Variants in BMP7 observed in about 807,000 individuals in gnomAD.
BMP7 encodes osteogenic protein 1.
BMP7 carries 12 observed loss-of-function variants against 41.2 expected under a neutral mutation model. The observed-to-expected ratio is 0.29, with a 90% CI of 0.19 to 0.47. The LOEUF (loss-of-function observed/expected upper bound fraction) is 0.47. Among genes scored for constraint, BMP7 ranks in the 20% least tolerant of loss-of-function variants. The pLI, the probability that BMP7 is intolerant of heterozygous loss-of-function variation, is 0.99. For synonymous variants in BMP7, 248 were observed against 250.0 expected (o/e 0.99, Z 0.07); for missense variants, 467 against 606.0 (o/e 0.77, Z 2.41).
intron 3 of BMP7, among the ~76,000 whole-genome samples, chr20:57,198,545 G>A (rs1170517405): frequency 1.3e-5 from 2 of 152,206 alleles, no homozygotes; most frequent in South Asian, 2.1e-4. Flanking sequence ...TTCTCCCCGC[G>A]AGGGCACGCT....
chr20:57,217,034 C>G (rs529713388), intron 2 of BMP7, among the ~76,000 whole-genome samples: 34 of 152,272 alleles, frequency 2.2e-4, no homozygotes, highest in African/African-American at 7.5e-4. Context: ...CACCGTGAGC[C>G]CCCGCATGTG....
At chr20:57,257,555 C>T (rs1187018505) in intron 1 of BMP7, among the ~76,000 whole-genome samples, 1 of 152,136 alleles carries the variant, frequency 6.6e-6, no homozygotes, top group Non-Finnish European at 1.5e-5. Context: ...TTATGAAGCA[C>T]AAGCTATCCT....
Position 57,171,596 on chromosome 20 carries a change from T to C in BMP7, c.1147-488A>G, listed in dbSNP as rs144820793. 4.8e-3 allele frequency among the ~76,000 whole-genome samples: 735 copies of C among 152,268 alleles called. 5 individuals are homozygous for C. The highest frequency in any genetic ancestry group is 0.017 in the African/African-American group (707 of 41,562). The stretch of plus-strand genomic sequence containing the variant: ...TAAGACAATAGGGAATAGTGGGGAC[T>C]AAGGCAAACTAAGGGAAGAGGCCGC... On this transcript the variant is annotated intron_variant, in intron 6 of 6. Coordinates refer to ENST00000395863, the MANE Select transcript of BMP7 (RefSeq NM_001719.3). This position sits in a 1 kb window ranked among gnomAD's most constrained non-coding sequence, Gnocchi z 4.5.
chr20:57,238,700 G>GA (rs994412412), intron 1 of BMP7, among the ~76,000 whole-genome samples: 58 of 145,988 alleles, frequency 4.0e-4, no homozygotes, highest in Middle Eastern at 3.6e-3. Flanking sequence ...CCGAGACCAG[G>GA]AAAAAAAAAA....
Position 57,254,693 on chromosome 20 carries a change from T to TGGGGC in BMP7, c.418+11007_418+11011dup, listed in dbSNP as rs372889944. 7.0e-3 allele frequency among the ~76,000 whole-genome samples: 1,053 copies of TGGGGC among 151,482 alleles called. 15 individuals are homozygous for TGGGGC. The highest frequency in any genetic ancestry group is 0.051 in the South Asian group (245 of 4,788). ...CAAAAACAAAAAGAAGTCCCTGCGCTGGGGCGACTATTCCATATCCCCTCC... is the reference window on the plus strand; with the variant it reads ...CAAAAACAAAAAGAAGTCCCTGCGCTGGGGCGGGGCGACTATTCCATATCCCCTCC... On this transcript the variant is annotated intron_variant, in intron 1 of 6. Transcript: ENST00000395863.
chr20:57,252,318 C>T (rs1051481013), intron 1 of BMP7, among the ~76,000 whole-genome samples: 7 of 152,186 alleles, frequency 4.6e-5, no homozygotes, highest in East Asian at 1.9e-4. Flanking sequence ...AGTTGGCCCG[C>T]GGGCTGGGGT....
At chr20:57,175,788 A>G (rs907611285) in intron 4 of BMP7, among the ~76,000 whole-genome samples, 6 of 151,998 alleles carry the variant, frequency 3.9e-5, no homozygotes, top group Non-Finnish European at 5.9e-5. Flanking sequence ...ACAACTTCCC[A>G]GGGGCTCTCT....
intron 1 of BMP7, among the ~76,000 whole-genome samples, chr20:57,245,981 T>C (rs963490888): frequency 2.0e-5 from 3 of 152,184 alleles, no homozygotes; most frequent in African/African-American, 7.2e-5. Context: ...TAAATTTATA[T>C]AAAGTTTAGA....
Position 57,175,029 on chromosome 20 carries a change from G to C in BMP7, c.959-22C>G, listed in dbSNP as rs757552780. 8.7e-6 allele frequency: 14 copies of C among 1,605,104 alleles called. No individual in the cohort carries two copies. In the South Asian group the frequency reaches 1.6e-4, roughly 18 times the overall value. ...TTCTCTGCATTGACAAGGAAGTGAAGAAGCAGAGCCCAGTGAGGAGAAAGA... is the reference window on the plus strand; with the variant it reads ...TTCTCTGCATTGACAAGGAAGTGAACAAGCAGAGCCCAGTGAGGAGAAAGA... On this transcript the variant is annotated intron_variant, in intron 4 of 6. Transcript: ENST00000395863.
chr20:57,257,018 C>G (rs115614427), intron 1 of BMP7, among the ~76,000 whole-genome samples: 1 of 152,160 alleles, frequency 6.6e-6, no homozygotes, highest in Admixed American at 6.5e-5. Flanking sequence ...TAAAAGCCAA[C>G]GCACAGTTCA....
chr20:57,249,607 T>G (rs1011897806), intron 1 of BMP7, among the ~76,000 whole-genome samples: 15 of 152,138 alleles, frequency 9.9e-5, no homozygotes, highest in African/African-American at 3.4e-4. Flanking sequence ...ATACATATAA[T>G]GTTTGAAATG....
At chr20:57,251,584 G>A (rs1056103116) in intron 1 of BMP7, among the ~76,000 whole-genome samples, 2 of 152,170 alleles carry the variant, frequency 1.3e-5, no homozygotes, top group African/African-American at 4.8e-5. Context: ...ATGGAGGGGG[G>A]GCAGGAAGTG....
intron 3 of BMP7, among the ~76,000 whole-genome samples, chr20:57,196,030 ATCT>A (rs1302984910): frequency 6.6e-6 from 1 of 152,282 alleles, no homozygotes; most frequent in South Asian, 2.1e-4. Flanking sequence ...CTCCCCGATC[ATCT>A]TCTTGGATCT....
rs569292905 is a variant in BMP7 at position 57,254,212 on chromosome 20, G to A, written c.418+11493C>T. On this transcript the variant is annotated intron_variant, in intron 1 of 6. Transcript: ENST00000395863. ...TAATTTTTGTATTTTTAGTAGAAACGGGGTTTCACCATGTTGGCCAGGCTG... is the reference window on the plus strand; with the variant it reads ...TAATTTTTGTATTTTTAGTAGAAACAGGGTTTCACCATGTTGGCCAGGCTG... Among the ~76,000 whole-genome samples, 94 of 151,690 alleles carry A rather than the reference G, an allele frequency of 6.2e-4. 1 individual carries two copies. The highest frequency in any genetic ancestry group is 1.8e-3 in the African/African-American group (73 of 41,336).
chr20:57,200,385 A>G (rs1173247892), intron 3 of BMP7, among the ~76,000 whole-genome samples: 3 of 152,170 alleles, frequency 2.0e-5, no homozygotes, highest in Non-Finnish European at 2.9e-5. Context: ...ACCAATGCTG[A>G]GCCTTTCTCC....
At chr20:57,240,858 C>T (rs2066065895) in intron 1 of BMP7, among the ~76,000 whole-genome samples, 1 of 152,316 alleles carries the variant, frequency 6.6e-6, no homozygotes, top group South Asian at 2.1e-4. Flanking sequence ...TGGGTGCCTC[C>T]CACAACACGT....
In BMP7 at chr20:57,209,261, A is replaced by T. The variant is rs868076871; in HGVS notation, c.612-6638T>A. 1.0e-4 allele frequency among the ~76,000 whole-genome samples: 12 copies of T among 120,240 alleles called. 1 individual carries two copies. The South Asian group carries it at 2.5e-3, about 25-fold the overall frequency. 78.9% of individuals were successfully genotyped at this position (120,240 alleles called of 152,430 possible). On this transcript the variant is annotated intron_variant, in intron 2 of 6. Transcript: ENST00000395863. Reference sequence around the variant, plus strand: ...GATTTATATATTTTTATATATATATATATATATATATATATATATATATAT... The same window carrying T: ...GATTTATATATTTTTATATATATATTTATATATATATATATATATATATAT...
chr20:57,230,547 T>A (rs569434202), intron 1 of BMP7, among the ~76,000 whole-genome samples: 1 of 150,714 alleles, frequency 6.6e-6, no homozygotes, highest in East Asian at 2.0e-4. Context: ...TCCAGTGACC[T>A]CCCCAGGGCC....
In BMP7 at chr20:57,265,778, G is replaced by A. The variant is rs921311051; in HGVS notation, c.345C>T (p.Gly115=). 5.0e-6 allele frequency: 8 copies of A among 1,610,458 alleles called. No homozygotes were observed. The highest frequency in any genetic ancestry group is 2.2e-5 in the East Asian group (1 of 44,732). ...YPYKAVFSTQ[G]PPLASLQDSH... ...TATCTTGCAGGCTGGCCAGAGGGGG[G>A]CCCTGGGTACTGAAGACGGCCTTGT... is the stretch of plus-strand genomic sequence containing the variant. The change falls in exon 1 of 7, where the codon GGC becomes GGT. Residue 115 remains glycine (G), a synonymous_variant. Coordinates refer to ENST00000395863, the MANE Select transcript of BMP7 (RefSeq NM_001719.3).
Sources: gnomAD v4.1 joint callset for allele counts (sites outside exome capture counted in the v4.1 genomes callset) on GRCh38, gnomAD v4.1.1 for gene constraint, Gnocchi (gnomAD v3.1) non-coding constraint, MANE v1.5 for transcripts, NCBI Gene and HGNC (gene_info 2026-07-23, HGNC 2026-07-21) for gene names.